The following RIT2 variants were observed in gnomAD, a reference collection of about 807,000 sequenced individuals.
The protein encoded by RIT2 is Ras like without CAAX 2, also known as GTP-binding protein Rit2.
RIT2 carries 24 observed loss-of-function variants against 23.7 expected under a neutral mutation model. The observed-to-expected ratio is 1.01, with a 90% CI of 0.73 to 1.43. The LOEUF (loss-of-function observed/expected upper bound fraction) is 1.43. Ranked by LOEUF, RIT2 falls within the 40% of genes most tolerant of loss-of-function variation. The pLI is 0.00. For missense variants in RIT2, 236 were observed against 266.9 expected, an observed-to-expected ratio of 0.88 and a Z score of 0.81; for synonymous variants, 107 against 91.1, an observed-to-expected ratio of 1.17 and a Z score of -0.99.
intron 4 of RIT2, among the ~76,000 whole-genome samples, chr18:42,812,099 A>T (rs1172557330): frequency 6.6e-6 from 1 of 152,136 alleles, no homozygotes; most frequent in Non-Finnish European, 1.5e-5. Context: ...TTGGTACAGA[A>T]ATTATTGGTG....
In RIT2 at chr18:42,743,628, A is replaced by G. The variant is rs1437240902; in HGVS notation, c.519T>C (p.Ala173=). The G allele has an allele frequency of 6.2e-7, 1 of 1,614,000 alleles. No homozygotes were observed. The highest frequency in any genetic ancestry group is 8.5e-7 in the Non-Finnish European group (1 of 1,180,004). ...SAALRFCIDD[A]FHGLVREIRK... is the part of the protein sequence containing the mutation. Reference sequence around the variant, plus strand: ...GAATTTCCCTCACTAAGCCATGAAAAGCATCATCAATACAGAATCTGAGGG... The same window carrying G: ...GAATTTCCCTCACTAAGCCATGAAAGGCATCATCAATACAGAATCTGAGGG... The change falls in exon 5 of 5, where the codon GCT becomes GCC. Residue 173 remains alanine, a synonymous_variant. Coordinates refer to ENST00000326695, the MANE Select transcript of RIT2 (RefSeq NM_002930.4).
At chr18:42,859,812 C>G (rs1907279247) in intron 4 of RIT2, among the ~76,000 whole-genome samples, 1 of 151,800 alleles carries the variant, frequency 6.6e-6, no homozygotes, top group Non-Finnish European at 1.5e-5. Flanking sequence ...CCCTGTCTCC[C>G]AGGCTGGAGT....
intron 3 of RIT2, among the ~76,000 whole-genome samples, chr18:42,966,569 A>G (rs975967377): frequency 6.6e-6 from 1 of 152,220 alleles, no homozygotes; most frequent in Non-Finnish European, 1.5e-5. Flanking sequence ...ATATTTTGAT[A>G]AAAACATTCA....
intron 4 of RIT2, among the ~76,000 whole-genome samples, chr18:42,917,030 T>C (rs1381377702): frequency 6.6e-6 from 1 of 152,090 alleles, no homozygotes; most frequent in Non-Finnish European, 1.5e-5. Context: ...TAACTGGAAA[T>C]GAGTTTCCCC....
At chr18:43,023,647 T>C (rs1407611557) in intron 2 of RIT2, among the ~76,000 whole-genome samples, 1 of 152,158 alleles carries the variant, frequency 6.6e-6, no homozygotes, top group Non-Finnish European at 1.5e-5. Flanking sequence ...ACTTTAGTTA[T>C]TCACTCAACA....
chr18:42,837,191 G>A (rs1444232195), intron 4 of RIT2, among the ~76,000 whole-genome samples: 2 of 27,496 alleles, frequency 7.3e-5, no homozygotes, highest in African/African-American at 1.0e-4. Context: ...TTTTTGAGAC[G>A]GAGTCTCGCT....
At chr18:42,889,632 A>G (rs1908118953) in intron 4 of RIT2, among the ~76,000 whole-genome samples, 1 of 152,122 alleles carries the variant, frequency 6.6e-6, no homozygotes, top group African/African-American at 2.4e-5. Context: ...GATTAGTGAT[A>G]GCAAATATGC....
At chr18:42,979,073 G>A (rs1282720032) in intron 2 of RIT2, among the ~76,000 whole-genome samples, 1 of 152,044 alleles carries the variant, frequency 6.6e-6, no homozygotes, top group East Asian at 1.9e-4. Flanking sequence ...ATTTACCCAT[G>A]TGGAAATGTT....
intron 4 of RIT2, among the ~76,000 whole-genome samples, chr18:42,901,562 T>G (rs988096592): frequency 6.6e-6 from 1 of 152,054 alleles, no homozygotes; most frequent in Non-Finnish European, 1.5e-5. Context: ...AAAAGACTTT[T>G]AGATATATTG....
intron 4 of RIT2, among the ~76,000 whole-genome samples, chr18:42,827,201 A>C (rs767787645): frequency 1.6e-4 from 24 of 152,326 alleles, no homozygotes; most frequent in Non-Finnish European, 2.8e-4. Context: ...CCAGCATAAG[A>C]CTGTGTTATA....
At chr18:42,764,760 T>C (rs762906075) in intron 4 of RIT2, among the ~76,000 whole-genome samples, 1 of 152,258 alleles carries the variant, frequency 6.6e-6, no homozygotes, top group Non-Finnish European at 1.5e-5. Flanking sequence ...ACATCACTAA[T>C]GTTATCCTCT....
At chr18:42,753,232 G>A (rs1198358294) in intron 4 of RIT2, among the ~76,000 whole-genome samples, 2 of 152,140 alleles carry the variant, frequency 1.3e-5, no homozygotes, top group East Asian at 3.9e-4. Flanking sequence ...GAGCTTTCTA[G>A]CTCTCTGCAT....
intron 2 of RIT2, among the ~76,000 whole-genome samples, chr18:43,022,015 T>C (rs898134099): frequency 6.6e-6 from 1 of 152,122 alleles, no homozygotes; most frequent in East Asian, 1.9e-4. Context: ...CCCATGTTTA[T>C]TGCAGCACTA....
At chr18:43,094,114 G>GTTT (rs796958736) in intron 1 of RIT2, among the ~76,000 whole-genome samples, 82 of 63,434 alleles carry the variant, frequency 1.3e-3, no homozygotes, top group Non-Finnish European at 2.1e-3. Context: ...GTATTAGTGG[G>GTTT]TTTTTTTTGT....
intron 4 of RIT2, among the ~76,000 whole-genome samples, chr18:42,772,211 T>C (rs1344191011): frequency 1.3e-5 from 2 of 152,150 alleles, no homozygotes; most frequent in Non-Finnish European, 2.9e-5. Flanking sequence ...AATGACATGG[T>C]GAGTGCTTCC....
intron 1 of RIT2, among the ~76,000 whole-genome samples, chr18:43,114,582 C>T (rs192848314): frequency 1.7e-3 from 258 of 152,012 alleles, no homozygotes; most frequent in African/African-American, 5.9e-3. Context: ...ATATAAAAAG[C>T]TATATTTATT....
In RIT2 at chr18:42,842,398, C is replaced by A. The variant is rs377133902; in HGVS notation, c.426+81174G>T. Among the ~76,000 whole-genome samples, 15 of 152,200 alleles carry A rather than the reference C, an allele frequency of 9.9e-5. No individual in the cohort carries two copies. In the East Asian group the frequency reaches 2.9e-3, roughly 29 times the overall value. On this transcript the variant is annotated intron_variant, in intron 4 of 4. Coordinates refer to ENST00000326695, the MANE Select transcript of RIT2 (RefSeq NM_002930.4). The stretch of plus-strand genomic sequence containing the variant: ...AAATAGATGGTGCAAATGTAAATTA[C>A]TAACGTAAAATATTTTATTTCCCCA...
intron 1 of RIT2, among the ~76,000 whole-genome samples, chr18:43,090,491 C>T (rs1913396729): frequency 6.6e-6 from 1 of 152,060 alleles, no homozygotes; most frequent in South Asian, 2.1e-4. Context: ...CATAAGAACA[C>T]CATTTGACCC....
At chr18:42,794,444 T>A (rs1432313316) in intron 4 of RIT2, among the ~76,000 whole-genome samples, 1 of 152,242 alleles carries the variant, frequency 6.6e-6, no homozygotes, top group Non-Finnish European at 1.5e-5. Context: ...TAGGTTTGAC[T>A]AATTAGTGAA....
Sources: allele counts gnomAD v4.1 joint callset (sites outside exome capture counted in the v4.1 genomes callset), GRCh38; gene constraint gnomAD v4.1.1; transcripts MANE v1.5; gene names NCBI Gene and HGNC (gene_info 2026-07-23, HGNC 2026-07-21).